The following SIK3 variants were observed in gnomAD, a reference collection of about 807,000 sequenced individuals.
The protein encoded by SIK3 is SIK family kinase 3.
Under a neutral mutation model 144.2 loss-of-function variants are expected in SIK3, and 28 were observed. That is an observed-to-expected ratio of 0.19 (90% CI 0.14 to 0.27). The LOEUF (loss-of-function observed/expected upper bound fraction) is 0.27. Ranked by LOEUF, SIK3 falls within the 10% of genes least tolerant of loss-of-function variation. The pLI is 1.00. For missense variants in SIK3, 1,319 were observed against 1,776.0 expected, an observed-to-expected ratio of 0.74 and a Z score of 4.62; for synonymous variants, 686 against 676.3, an observed-to-expected ratio of 1.01 and a Z score of -0.22.
intron 4 of SIK3, among the ~76,000 whole-genome samples, chr11:116,898,000 T>A (rs1945509497): frequency 1.3e-5 from 2 of 152,134 alleles, no homozygotes; most frequent in Admixed American, 1.3e-4. Flanking sequence ...ATACTTTAAG[T>A]TTTAGGGTAC....
At chr11:116,968,982 GA>G (rs1318656128) in intron 1 of SIK3, among the ~76,000 whole-genome samples, 1 of 152,086 alleles carries the variant, frequency 6.6e-6, no homozygotes, top group Non-Finnish European at 1.5e-5. Flanking sequence ...CCAGATATCA[GA>G]AATAGTTTCA....
intron 1 of SIK3, among the ~76,000 whole-genome samples, chr11:117,047,440 AG>A (rs1219838505): frequency 6.6e-6 from 1 of 152,206 alleles, no homozygotes; most frequent in Admixed American, 6.5e-5. Context: ...AAGGGAGGGT[AG>A]GGAAGGTGGA....
chr11:116,963,059 C>T (rs1180773896), intron 1 of SIK3, among the ~76,000 whole-genome samples: 3 of 152,160 alleles, frequency 2.0e-5, no homozygotes, highest in Non-Finnish European at 4.4e-5. Flanking sequence ...TTGAGAATTG[C>T]CAACTGTCTA....
chr11:116,948,070 G>A (rs1366279603), intron 3 of SIK3, among the ~76,000 whole-genome samples: 3 of 151,688 alleles, frequency 2.0e-5, no homozygotes, highest in Non-Finnish European at 2.9e-5. Context: ...GAGTAGCTGG[G>A]ACTACAGGTG....
intron 1 of SIK3, among the ~76,000 whole-genome samples, chr11:117,087,168 G>A (rs191580228): frequency 5.4e-4 from 82 of 152,158 alleles, no homozygotes; most frequent in Middle Eastern, 3.4e-3. Flanking sequence ...GGCCGGGTGC[G>A]GTGGCTCATG....
intron 1 of SIK3, among the ~76,000 whole-genome samples, chr11:117,048,010 T>G (rs917122611): frequency 6.6e-6 from 1 of 152,184 alleles, no homozygotes; most frequent in African/African-American, 2.4e-5. Context: ...GCAAATCTTA[T>G]TCTTTCTCTC....
rs139073798 is a variant in SIK3, at chr11:116,858,259, T to C, written c.3206A>G (p.His1069Arg). The change falls in exon 21 of 25, where the codon CAC becomes CGC. Residue 1069 changes from histidine (H) to arginine (R), a missense_variant. By Grantham distance (29) the His-to-Arg change is conservative. Around this residue, in one of 8 missense-constraint regions of SIK3, gnomAD observed 646 missense variants for 763.7 expected, o/e 0.85. Coordinates refer to ENST00000445177, the MANE Select transcript of SIK3 (RefSeq NM_001366686.3). This position sits in a 1 kb window ranked among gnomAD's most constrained non-coding sequence, Gnocchi z 5.4. ...ACTCCCCGCATCCCCTTGGTTCATGTGCCTGAACAGTTCCTGGTATTCTTG... is the reference window on the plus strand; with the variant it reads ...ACTCCCCGCATCCCCTTGGTTCATGCGCCTGAACAGTTCCTGGTATTCTTG... ...QQQEYQELFRHMNQGDAGSLA... is the reference protein window; with the variant it reads ...QQQEYQELFRRMNQGDAGSLA... The C allele has an allele frequency of 1.8e-4, 298 of 1,613,910 alleles. No homozygotes were observed. The highest frequency in any genetic ancestry group is 2.4e-4 in the Non-Finnish European group (287 of 1,179,912).
intron 1 of SIK3, among the ~76,000 whole-genome samples, chr11:116,978,235 G>T (rs1011274517): frequency 6.6e-6 from 1 of 151,880 alleles, no homozygotes; most frequent in Non-Finnish European, 1.5e-5. Flanking sequence ...ATTACTATCC[G>T]CATTACCAAA....
intron 1 of SIK3, among the ~76,000 whole-genome samples, chr11:116,982,966 A>T (rs1412915138): frequency 7.0e-6 from 1 of 142,784 alleles, no homozygotes; most frequent in Non-Finnish European, 1.5e-5. Context: ...AAAAAAAAAA[A>T]AAATTTCTGA....
intron 4 of SIK3, among the ~76,000 whole-genome samples, chr11:116,907,682 TAC>T (rs1291316058): frequency 6.6e-6 from 1 of 152,168 alleles, no homozygotes; most frequent in Non-Finnish European, 1.5e-5. Context: ...CCTTAGTTAT[TAC>T]AGTTTACTGT....
At chr11:116,985,487 A>C (rs960007442) in intron 1 of SIK3, among the ~76,000 whole-genome samples, 2 of 152,212 alleles carry the variant, frequency 1.3e-5, no homozygotes, top group Non-Finnish European at 2.9e-5. Flanking sequence ...GTAAATTAGC[A>C]CTATGCTTAC....
intron 3 of SIK3, among the ~76,000 whole-genome samples, chr11:116,934,293 G>T (rs551828439): frequency 1.5e-4 from 23 of 152,304 alleles, no homozygotes; most frequent in African/African-American, 5.3e-4. Context: ...AACAAAAGAT[G>T]ATTGAATACA....
rs765245968 is a variant in SIK3 at position 116,858,339 on chromosome 11, C to T, written c.3126G>A (p.Gln1042=). 6.2e-7 allele frequency: 1 copy of T among 1,613,518 alleles called. No homozygotes were observed. ...GTTGTTGCTGCTGCCTTTTAATGAG[C>T]TGTGCAAACTCTGTTGGGGGCAGCC... ...DIRLPPTEFA[Q]LIKRQQQQRQ... is the part of the protein sequence containing the mutation. The change falls in exon 21 of 25, where the codon CAG becomes CAA. Residue 1042 remains glutamine (Q), a synonymous_variant. Transcript: ENST00000445177. The surrounding 1 kb of genome is among the most constrained non-coding windows in gnomAD (Gnocchi z 5.4).
intron 4 of SIK3, among the ~76,000 whole-genome samples, chr11:116,922,975 G>A (rs972292839): frequency 1.5e-5 from 2 of 129,450 alleles, no homozygotes; most frequent in Non-Finnish European, 3.1e-5. Context: ...GGAGTGCAAT[G>A]GCGTGATCTC....
rs1195915063 is a variant in SIK3, at chr11:117,093,563, A to C, written c.273+4580T>G. On this transcript the variant is annotated intron_variant, in intron 1 of 24. Transcript: ENST00000445177. ...AGACTGCACTCAACTCTGTTCCATC[A>C]TCAACATAACAAAAATTAGTTACAC... 2.0e-5 allele frequency among the ~76,000 whole-genome samples: 3 copies of C among 152,162 alleles called. No individual in the cohort carries two copies. In the South Asian group the frequency reaches 6.2e-4, roughly 31 times the overall value.
At chr11:116,924,887 G>A (rs1360194096) in intron 4 of SIK3, among the ~76,000 whole-genome samples, 1 of 152,138 alleles carries the variant, frequency 6.6e-6, no homozygotes, top group Non-Finnish European at 1.5e-5. Flanking sequence ...GACATCTGTG[G>A]CATGTTGAAT....
At chr11:116,980,947 G>T (rs552765255) in intron 1 of SIK3, among the ~76,000 whole-genome samples, 7 of 152,086 alleles carry the variant, frequency 4.6e-5, no homozygotes, top group African/African-American at 1.7e-4. Context: ...AAGTTCTACA[G>T]AGACTGAGTT....
intron 1 of SIK3, among the ~76,000 whole-genome samples, chr11:117,094,904 C>G (rs1486808347): frequency 5.9e-5 from 9 of 152,112 alleles, no homozygotes; most frequent in Admixed American, 5.2e-4. Flanking sequence ...TGAACATTCT[C>G]TCCTGGTAAC....
rs536183351 is a variant in SIK3 at position 116,916,158 on chromosome 11, C to G, written c.616+11061G>C. Among the ~76,000 whole-genome samples the G allele has an allele frequency of 2.7e-4, 41 of 152,282 alleles. No homozygotes were observed. In the South Asian group the frequency reaches 7.7e-3, roughly 28 times the overall value. On this transcript the variant is annotated intron_variant, in intron 4 of 24. Coordinates refer to ENST00000445177, the MANE Select transcript of SIK3 (RefSeq NM_001366686.3). The stretch of plus-strand genomic sequence containing the variant: ...AGAAGTCACTGGCTGGGAAAAGATC[C>G]TGTATACTACTTGAGATGGTAAATT...
Sources: gnomAD v4.1 joint callset for allele counts (sites outside exome capture counted in the v4.1 genomes callset) on GRCh38, gnomAD v4.1.1 for gene constraint, gnomAD v4.1.1 regional missense constraint, Gnocchi (gnomAD v3.1) non-coding constraint, MANE v1.5 for transcripts, NCBI Gene and HGNC (gene_info 2026-07-23, HGNC 2026-07-21) for gene names.